GABRB1: variants seen among roughly 807,000 people sequenced by gnomAD.
GABRB1 encodes gamma-aminobutyric acid type A receptor subunit beta1, also known as gamma-aminobutyric acid receptor subunit beta-1.
Under a neutral mutation model 51.6 loss-of-function variants are expected in GABRB1, and 17 were observed. The ratio of observed to expected loss-of-function variants is 0.33; its 90% CI spans 0.23 to 0.49. The LOEUF is 0.49. Ranked by LOEUF, GABRB1 falls within the 20% of genes least tolerant of loss-of-function variation. The probability of loss-of-function intolerance (pLI) is 0.99; values close to 1 mark genes in which losing one functional copy is unlikely to be tolerated. For synonymous variants in GABRB1, 247 were observed against 218.9 expected (o/e 1.13, Z -1.14); for missense variants, 410 against 600.6 (o/e 0.68, Z 3.32).
rs181298776 is a variant in GABRB1, at chr4:47,317,990, G to A, written c.462-2137G>A. On this transcript the variant is annotated intron_variant, in intron 4 of 8. Transcript: ENST00000295454. ...GGATTACATTACTTTCATAACTTAC[G>A]TAACAAATTTATCATTTGCAATAGC... Among the ~76,000 whole-genome samples, 215 of 151,800 alleles carry A rather than the reference G, an allele frequency of 1.4e-3. 1 individual carries two copies. Among genetic ancestry groups the A allele is most frequent in the African/African-American group, 4.7e-3 (195 of 41,408 alleles).
At chr4:47,132,376 TGTTTGTTTTG>T (rs869152703) in intron 3 of GABRB1, among the ~76,000 whole-genome samples, 67 of 144,034 alleles carry the variant, frequency 4.7e-4, no homozygotes, top group African/African-American at 2.6e-4. Flanking sequence ...TTTTTTCGTT[TGTTTGTTTTG>T]GTTTGTTTTG....
intron 5 of GABRB1, among the ~76,000 whole-genome samples, chr4:47,345,035 G>A (rs560660819): frequency 4.5e-4 from 68 of 152,100 alleles, no homozygotes; most frequent in East Asian, 3.1e-3. Flanking sequence ...ATTCTTTTAC[G>A]TAACTCTCAG....
At chr4:47,009,318 C>T (rs981474743) in intron 1 of GABRB1, among the ~76,000 whole-genome samples, 2 of 151,512 alleles carry the variant, frequency 1.3e-5, no homozygotes, top group African/African-American at 2.4e-5. Context: ...ATTTACCACA[C>T]AAAATATATA....
chr4:47,329,101 G>GTAGTTCTA (rs1187387836), intron 5 of GABRB1, among the ~76,000 whole-genome samples: 2 of 152,078 alleles, frequency 1.3e-5, no homozygotes, highest in Non-Finnish European at 2.9e-5. Context: ...TAAGACATGA[G>GTAGTTCTA]TAGTTCTATA....
intron 3 of GABRB1, among the ~76,000 whole-genome samples, chr4:47,122,872 C>G (rs1715842527): frequency 6.6e-6 from 1 of 152,112 alleles, no homozygotes; most frequent in African/African-American, 2.4e-5. Flanking sequence ...CTCTAGCTCC[C>G]TCTACTGGCA....
intron 3 of GABRB1, among the ~76,000 whole-genome samples, chr4:47,044,438 T>C (rs772905379): frequency 9.2e-5 from 14 of 152,060 alleles, no homozygotes; most frequent in Non-Finnish European, 7.4e-5. Flanking sequence ...GTCAGGATGA[T>C]GTTGTATCCT....
At chr4:47,389,791 T>C (rs1157161698) in intron 5 of GABRB1, among the ~76,000 whole-genome samples, 1 of 152,212 alleles carries the variant, frequency 6.6e-6, no homozygotes, top group Non-Finnish European at 1.5e-5. Flanking sequence ...AACTCTGTAG[T>C]GTAAAGCAAT....
At chr4:47,062,551 T>C (rs1726888830) in intron 3 of GABRB1, among the ~76,000 whole-genome samples, 1 of 152,096 alleles carries the variant, frequency 6.6e-6, no homozygotes, top group Non-Finnish European at 1.5e-5. Flanking sequence ...AATATTGTCG[T>C]ATATCCTAGG....
chr4:47,397,368 A>G (rs1320782034), intron 5 of GABRB1, among the ~76,000 whole-genome samples: 1 of 152,170 alleles, frequency 6.6e-6, no homozygotes, highest in Non-Finnish European at 1.5e-5. Flanking sequence ...ATGATTTCTT[A>G]AGCTATCTTT....
chr4:47,350,154 T>C (rs929765833), intron 5 of GABRB1, among the ~76,000 whole-genome samples: 1 of 146,658 alleles, frequency 6.8e-6, no homozygotes, highest in Non-Finnish European at 1.5e-5. Context: ...ATTTTCTGAT[T>C]ATTTAAAATA....
At chr4:47,136,987 T>C (rs1716688060) in intron 3 of GABRB1, among the ~76,000 whole-genome samples, 1 of 152,180 alleles carries the variant, frequency 6.6e-6, no homozygotes, top group South Asian at 2.1e-4. Context: ...CATAAAATAA[T>C]TGTACAAAGA....
intron 5 of GABRB1, among the ~76,000 whole-genome samples, chr4:47,397,119 T>C (rs1383488891): frequency 6.6e-6 from 1 of 152,226 alleles, no homozygotes; most frequent in African/African-American, 2.4e-5. Context: ...TTATAGATTT[T>C]TGTTGCCACA....
At chr4:47,077,856 A>T (rs1442252104) in intron 3 of GABRB1, among the ~76,000 whole-genome samples, 2 of 140,590 alleles carry the variant, frequency 1.4e-5, no homozygotes, top group Non-Finnish European at 3.0e-5. Context: ...ATATATTTTT[A>T]TATATTTTAT....
At chr4:47,146,484 G>A (rs1717176276) in intron 3 of GABRB1, among the ~76,000 whole-genome samples, 1 of 151,922 alleles carries the variant, frequency 6.6e-6, no homozygotes, top group Non-Finnish European at 1.5e-5. Context: ...GATTTTCTAG[G>A]CTTAATGAAA....
intron 5 of GABRB1, among the ~76,000 whole-genome samples, chr4:47,321,871 C>A (rs1725097936): frequency 6.6e-6 from 1 of 152,086 alleles, no homozygotes; most frequent in Non-Finnish European, 1.5e-5. Context: ...CTTAAAGGAG[C>A]AGTGAATTTT....
chr4:47,098,790 A>G (rs2109602061), intron 3 of GABRB1, among the ~76,000 whole-genome samples: 1 of 152,230 alleles, frequency 6.6e-6, no homozygotes, highest in African/African-American at 2.4e-5. Context: ...GATGCCCAGT[A>G]TTGTGATGTC....
intron 1 of GABRB1, among the ~76,000 whole-genome samples, chr4:47,008,357 C>G (rs1003775754): frequency 6.6e-6 from 1 of 150,804 alleles, no homozygotes; most frequent in South Asian, 2.1e-4. Flanking sequence ...TGAGATTCTA[C>G]AAAGAAATAA....
intron 5 of GABRB1, among the ~76,000 whole-genome samples, chr4:47,350,218 T>TATATATATATAG (rs750199965): frequency 1.8e-4 from 10 of 56,650 alleles, no homozygotes; most frequent in South Asian, 8.5e-4. Context: ...TATATATATA[T>TATATATATATAG]AGAGAGAGAG....
intron 1 of GABRB1, among the ~76,000 whole-genome samples, chr4:47,012,416 T>G (rs1348906552): frequency 1.3e-5 from 2 of 152,120 alleles, no homozygotes; most frequent in African/African-American, 2.4e-5. Flanking sequence ...TTCTCATCAT[T>G]TAGCTCTCAC....
Sources: allele counts gnomAD v4.1 joint callset (sites outside exome capture counted in the v4.1 genomes callset), GRCh38; gene constraint gnomAD v4.1.1; transcripts MANE v1.5; gene names NCBI Gene and HGNC (gene_info 2026-07-23, HGNC 2026-07-21).